Variants in ADAM2 observed in about 807,000 individuals in gnomAD.
The protein encoded by ADAM2 is ADAM metallopeptidase domain 2, also known as disintegrin and metalloproteinase domain-containing protein 2.
Under a neutral mutation model 99.3 loss-of-function variants are expected in ADAM2, and 101 were observed. That is an observed-to-expected ratio of 1.02 (90% CI 0.87 to 1.20). The LOEUF (loss-of-function observed/expected upper bound fraction) is 1.20. Among genes scored for constraint, ADAM2 ranks in the 50% most tolerant of loss-of-function variants. ADAM2 has a pLI of 0.00. For missense variants in ADAM2, 948 were observed against 878.7 expected, an observed-to-expected ratio of 1.08 and a Z score of -1.00; for synonymous variants, 323 against 287.6, an observed-to-expected ratio of 1.12 and a Z score of -1.25.
intron 7 of ADAM2, among the ~76,000 whole-genome samples, chr8:39,803,791 G>A (rs990896260): frequency 6.1e-4 from 93 of 152,314 alleles, no homozygotes; most frequent in African/African-American, 2.2e-3. Context: ...TTTAAGGAGC[G>A]TTATAAGTGA....
intron 6 of ADAM2, among the ~76,000 whole-genome samples, chr8:39,810,852 C>T (rs1020951101): frequency 1.3e-5 from 2 of 151,958 alleles, no homozygotes; most frequent in African/African-American, 4.8e-5. Flanking sequence ...AAAATTGACA[C>T]CCTAACATCA....
At chr8:39,780,798 A>G (rs967481528) in intron 10 of ADAM2, among the ~76,000 whole-genome samples, 3 of 152,142 alleles carry the variant, frequency 2.0e-5, no homozygotes, top group Admixed American at 2.0e-4. Flanking sequence ...ATTGATATAT[A>G]AATTATCCTA....
intron 14 of ADAM2, among the ~76,000 whole-genome samples, chr8:39,762,694 A>T (rs1352724143): frequency 1.3e-5 from 2 of 152,188 alleles, no homozygotes; most frequent in African/African-American, 4.8e-5. Flanking sequence ...CTGAAAAAGA[A>T]AAAAATTCTG....
At chr8:39,761,744 T>C (rs1237599191) in intron 14 of ADAM2, among the ~76,000 whole-genome samples, 1 of 152,156 alleles carries the variant, frequency 6.6e-6, no homozygotes, top group Non-Finnish European at 1.5e-5. Flanking sequence ...CCTCCCATCA[T>C]CCAATCCACA....
At chr8:39,787,501 AT>A (rs777461824) in intron 9 of ADAM2, among the ~76,000 whole-genome samples, 133 of 151,112 alleles carry the variant, frequency 8.8e-4, no homozygotes, top group Middle Eastern at 3.5e-3. Context: ...AAAAAGTAAA[AT>A]GTTTAAAACT....
At chr8:39,790,562 A>T (rs1366054329) in intron 7 of ADAM2, among the ~76,000 whole-genome samples, 1 of 151,982 alleles carries the variant, frequency 6.6e-6, no homozygotes, top group African/African-American at 2.4e-5. Flanking sequence ...TTGCTAATGG[A>T]TGCAAAGTCT....
intron 6 of ADAM2, among the ~76,000 whole-genome samples, chr8:39,815,479 A>T (rs1055743928): frequency 2.0e-5 from 3 of 152,184 alleles, no homozygotes; most frequent in Non-Finnish European, 4.4e-5. Context: ...AGCAAATAAA[A>T]TGAGATAGAA....
At chr8:39,835,292 T>C (rs1419535959) in intron 2 of ADAM2, among the ~76,000 whole-genome samples, 2 of 152,238 alleles carry the variant, frequency 1.3e-5, no homozygotes, top group African/African-American at 2.4e-5. Context: ...TTGCATTTCA[T>C]CTTTTCAGCT....
rs746152311 is a variant in ADAM2, at chr8:39,769,449, T to C, written c.1155A>G (p.Ala385=). 2.1e-5 allele frequency: 34 copies of C among 1,613,980 alleles called. No individual in the cohort carries two copies. Among genetic ancestry groups the C allele is most frequent in the Middle Eastern group, 1.6e-4 (1 of 6,084 alleles). The change falls in exon 12 of 21, where the codon GCA becomes GCG. Residue 385 remains alanine (A), a synonymous_variant. Coordinates refer to ENST00000265708, the MANE Select transcript of ADAM2 (RefSeq NM_001464.5). ...CTTCCAGCTTTGCATTACCACACAC[T>C]GCTTGCTGTTTGAAAAAAGGATCTA... is the stretch of plus-strand genomic sequence containing the variant. ...PRLDPFFKQQ[A]VCGNAKLEAG... is the part of the protein sequence containing the mutation.
chr8:39,793,439 G>GGTGTTA (rs1803802188), intron 7 of ADAM2, among the ~76,000 whole-genome samples: 1 of 152,176 alleles, frequency 6.6e-6, no homozygotes, highest in Admixed American at 6.6e-5. Context: ...AACATTAAAG[G>GGTGTTA]GTGTTAAGCA....
chr8:39,795,479 C>T (rs1470699584), intron 7 of ADAM2, among the ~76,000 whole-genome samples: 1 of 152,124 alleles, frequency 6.6e-6, no homozygotes, highest in African/African-American at 2.4e-5. Flanking sequence ...TAATTGGAAA[C>T]CAGACATTTC....
chr8:39,774,749 T>A (rs1436691710), intron 11 of ADAM2: 1 of 152,110 alleles, frequency 6.6e-6, no homozygotes, highest in African/African-American at 2.4e-5. Flanking sequence ...GATTTTCTTA[T>A]CCTTCCTATC....
At chr8:39,788,642 C>T (rs761626693) in intron 8 of ADAM2, 27 bp downstream of exon 8, 2 of 1,511,320 alleles carry the variant, frequency 1.3e-6, no homozygotes, top group African/African-American at 1.4e-5. Context: ...ACAAGAAGTG[C>T]AAAAGTACTA....
intron 7 of ADAM2, among the ~76,000 whole-genome samples, chr8:39,790,211 T>A (rs1803648570): frequency 6.6e-6 from 1 of 151,894 alleles, no homozygotes; most frequent in Admixed American, 6.6e-5. Context: ...TTAAAATGCA[T>A]GGCCACACAA....
intron 10 of ADAM2, among the ~76,000 whole-genome samples, chr8:39,780,070 AG>A (rs989974343): frequency 6.6e-6 from 1 of 152,146 alleles, no homozygotes; most frequent in African/African-American, 2.4e-5. Context: ...ATGGACTCAC[AG>A]TTTCACATGG....
intron 11 of ADAM2, among the ~76,000 whole-genome samples, chr8:39,775,499 T>C (rs1261655804): frequency 1.3e-5 from 2 of 152,148 alleles, no homozygotes; most frequent in Non-Finnish European, 2.9e-5. Flanking sequence ...CCCGATATAT[T>C]GTTTACAAAT....
intron 14 of ADAM2, among the ~76,000 whole-genome samples, chr8:39,765,563 A>C (rs1802538839): frequency 6.6e-6 from 1 of 152,158 alleles, no homozygotes; most frequent in Non-Finnish European, 1.5e-5. Flanking sequence ...GAATACACCA[A>C]CGATTGAGGA....
rs542444886 is a variant in ADAM2 at position 39,802,985 on chromosome 8, G to A, written c.570+6425C>T. 6.6e-5 allele frequency among the ~76,000 whole-genome samples: 10 copies of A among 152,146 alleles called. No individual in the cohort carries two copies. The East Asian group carries it at 9.7e-4, about 15-fold the overall frequency. On this transcript the variant is annotated intron_variant, in intron 7 of 20. Transcript: ENST00000265708. ...GCTAGTAGTTATTCTAGTAATCTCC[G>A]GAGTGCACTGCCTCCTCTCATGAAT...
intron 10 of ADAM2, among the ~76,000 whole-genome samples, chr8:39,779,763 G>T (rs1469186658): frequency 2.0e-5 from 3 of 152,138 alleles, no homozygotes; most frequent in Non-Finnish European, 4.4e-5. Context: ...TGAGAAATTT[G>T]TAAACAAGTG....
Sources: gnomAD v4.1 joint callset for allele counts (sites outside exome capture counted in the v4.1 genomes callset) on GRCh38, gnomAD v4.1.1 for gene constraint, MANE v1.5 for transcripts, NCBI Gene and HGNC (gene_info 2026-07-23, HGNC 2026-07-21) for gene names.